The following SOX6 variants were observed in gnomAD, a reference collection of about 807,000 sequenced individuals.
SOX6 encodes SRY-box transcription factor 6, also known as transcription factor SOX-6.
In SOX6, 11 loss-of-function variants were observed where a neutral mutation model predicts 97.8. The observed-to-expected ratio is 0.11, with a 90% CI of 0.07 to 0.19. The LOEUF is 0.19. SOX6 is among the 10% of genes least tolerant of loss of function. The probability of loss-of-function intolerance (pLI) is 1.00; values close to 1 mark genes in which losing one functional copy is unlikely to be tolerated. For synonymous variants in SOX6, 360 were observed against 371.4 expected, an observed-to-expected ratio of 0.97 and a Z score of 0.35; for missense variants, 810 against 1,039.5, an observed-to-expected ratio of 0.78 and a Z score of 3.04.
At chr11:16,564,221 T>C (rs1404721691) in intron 4 of SOX6, among the ~76,000 whole-genome samples, 2 of 152,200 alleles carry the variant, frequency 1.3e-5, no homozygotes, top group African/African-American at 2.4e-5. Flanking sequence ...TAGGATTTCC[T>C]TCTCCTCCTG....
At chr11:16,388,482 T>A (rs1858065412) in intron 1 of SOX6, among the ~76,000 whole-genome samples, 1 of 152,144 alleles carries the variant, frequency 6.6e-6, no homozygotes, top group South Asian at 2.1e-4. Context: ...AGTGATGTTA[T>A]TTCTTAAATA....
chr11:15,986,481 C>T, intron 14 of SOX6, 61 bp from the exon 15 acceptor site: 1 of 1,506,508 alleles, frequency 6.6e-7, no homozygotes, highest in Non-Finnish European at 9.2e-7. Context: ...TAGGCAAACA[C>T]AACTAGATAT....
At chr11:16,502,286 G>A (rs988125876) in intron 4 of SOX6, among the ~76,000 whole-genome samples, 2 of 152,104 alleles carry the variant, frequency 1.3e-5, no homozygotes, top group African/African-American at 2.4e-5. Context: ...CACAGGAAGT[G>A]GAACATCACA....
intron 3 of SOX6, among the ~76,000 whole-genome samples, chr11:16,678,711 G>A (rs1274153518): frequency 1.3e-5 from 2 of 152,150 alleles, no homozygotes; most frequent in African/African-American, 4.8e-5. Context: ...GGGAAGCCGT[G>A]ACAAACTGTA....
At chr11:16,359,371 T>G (rs1857146864), upstream of SOX6, among the ~76,000 whole-genome samples, 1 of 152,006 alleles carries the variant, frequency 6.6e-6, no homozygotes, top group Non-Finnish European at 1.5e-5. Context: ...TTGGAAAGGA[T>G]TTCAAATGCA....
At chr11:16,547,521 T>A (rs1477616373) in intron 4 of SOX6, among the ~76,000 whole-genome samples, 1 of 152,030 alleles carries the variant, frequency 6.6e-6, no homozygotes, top group Non-Finnish European at 1.5e-5. Context: ...GGTCATTATG[T>A]TAAGTGAAAT....
chr11:16,221,645 G>A (rs1404213115), intron 4 of SOX6, among the ~76,000 whole-genome samples: 1 of 152,158 alleles, frequency 6.6e-6, no homozygotes. Context: ...GTAATTGACA[G>A]TATTGGTTAA....
chr11:16,458,976 G>T (rs1290731732), intron 1 of SOX6, among the ~76,000 whole-genome samples: 2 of 152,012 alleles, frequency 1.3e-5, no homozygotes, highest in Non-Finnish European at 2.9e-5. Context: ...AAAGATACCT[G>T]CATATAGAGT....
chr11:16,307,401 G>A (rs1489472068), intron 3 of SOX6, among the ~76,000 whole-genome samples: 1 of 152,086 alleles, frequency 6.6e-6, no homozygotes, highest in African/African-American at 2.4e-5. Flanking sequence ...TAAAACCAAG[G>A]AATAATTTTT....
intron 13 of SOX6, among the ~76,000 whole-genome samples, chr11:16,014,221 T>C (rs2133862037): frequency 6.6e-6 from 1 of 152,138 alleles, no homozygotes; most frequent in East Asian, 1.9e-4. Context: ...GTGCTGCTTG[T>C]GCATTTAAAA....
At chr11:16,595,519 C>T (rs1416223542) in intron 4 of SOX6, among the ~76,000 whole-genome samples, 1 of 151,418 alleles carries the variant, frequency 6.6e-6, no homozygotes, top group African/African-American at 2.4e-5. Context: ...GATGGCTCCA[C>T]CTATAATCTT....
intron 3 of SOX6, among the ~76,000 whole-genome samples, chr11:16,271,342 T>C (rs1162642270): frequency 6.6e-6 from 1 of 151,414 alleles, no homozygotes; most frequent in Non-Finnish European, 1.5e-5. Context: ...TATGGTACTG[T>C]TTTCTCAGTC....
chr11:16,201,498 A>G, intron 4 of SOX6, among the ~76,000 whole-genome samples: 1 of 150,664 alleles, frequency 6.6e-6, no homozygotes, highest in East Asian at 1.9e-4. Context: ...ACAAATATAT[A>G]AATGTATATA....
In SOX6 at chr11:16,551,394, C is replaced by G. The variant is rs542093562; in HGVS notation, n.609+60687G>C. ...AATGTTTTAAAGACGCTAAATTAAA[C>G]CCAACCATATAGATAATTACATTAA... On this transcript the variant is annotated intron_variant and non_coding_transcript_variant, in intron 4 of 5. Coordinates refer to the SOX6 transcript ENST00000524520. Among the ~76,000 whole-genome samples the G allele has an allele frequency of 7.2e-5, 11 of 151,912 alleles. No individual in the cohort carries two copies. In the East Asian group the frequency reaches 2.1e-3, roughly 29 times the overall value.
At chr11:16,427,488 A>AC (rs1359908332) in intron 1 of SOX6, among the ~76,000 whole-genome samples, 1 of 128,546 alleles carries the variant, frequency 7.8e-6, no homozygotes, top group Non-Finnish European at 1.6e-5. Flanking sequence ...CACTCCCCCC[A>AC]CCCCACAACA....
chr11:16,406,924 C>T (rs1303724539), intron 1 of SOX6, among the ~76,000 whole-genome samples: 2 of 152,052 alleles, frequency 1.3e-5, no homozygotes, highest in Non-Finnish European at 2.9e-5. Flanking sequence ...TAATTAACAA[C>T]CCCATCACAC....
chr11:16,730,551 A>T (rs1282007058), intron 2 of SOX6, among the ~76,000 whole-genome samples: 2 of 152,230 alleles, frequency 1.3e-5, no homozygotes, highest in African/African-American at 4.8e-5. Context: ...AACCAATGAG[A>T]ACAAAGACAC....
intron 1 of SOX6, among the ~76,000 whole-genome samples, chr11:16,431,581 C>G (rs1190644436): frequency 6.6e-6 from 1 of 151,814 alleles, no homozygotes; most frequent in Non-Finnish European, 1.5e-5. Flanking sequence ...TTAAAATATT[C>G]CAATTTATAA....
At chr11:16,461,228 T>A (rs1470774666) in intron 1 of SOX6, among the ~76,000 whole-genome samples, 1 of 152,142 alleles carries the variant, frequency 6.6e-6, no homozygotes, top group Non-Finnish European at 1.5e-5. Flanking sequence ...CATATACCCT[T>A]ACCAGTCTTA....
Sources: gnomAD v4.1 joint callset for allele counts (sites outside exome capture counted in the v4.1 genomes callset) on GRCh38, gnomAD v4.1.1 for gene constraint, MANE v1.5 for transcripts, NCBI Gene and HGNC (gene_info 2026-07-23, HGNC 2026-07-21) for gene names.